Variants in LRP12 observed in about 807,000 individuals in gnomAD.
The protein encoded by LRP12 is LDL receptor related protein 12, also known as low-density lipoprotein receptor-related protein 12.
A neutral mutation model predicts 66.0 loss-of-function variants in LRP12; 14 were observed. That is an observed-to-expected ratio of 0.21 (90% CI 0.14 to 0.33). The LOEUF is 0.33. Among genes scored for constraint, LRP12 ranks in the 10% least tolerant of loss-of-function variants. LRP12 has a pLI of 1.00. For missense variants in LRP12, 889 were observed against 1,053.4 expected, an observed-to-expected ratio of 0.84 and a Z score of 2.16; for synonymous variants, 357 against 359.1, an observed-to-expected ratio of 0.99 and a Z score of 0.07.
intron 1 of LRP12, among the ~76,000 whole-genome samples, chr8:104,578,193 T>A (rs1588511432): frequency 1.3e-5 from 2 of 149,388 alleles, no homozygotes; most frequent in African/African-American, 2.5e-5. Flanking sequence ...ATGAGCACAA[T>A]CAGAAACAAC....
intron 1 of LRP12, among the ~76,000 whole-genome samples, chr8:104,575,182 T>C (rs901002829): frequency 6.6e-6 from 1 of 152,192 alleles, no homozygotes; most frequent in Admixed American, 6.5e-5. Flanking sequence ...TCATTCCTGC[T>C]TGCAGGGCAC....
At chr8:104,548,309 T>A (rs1294446430) in intron 1 of LRP12, among the ~76,000 whole-genome samples, 1 of 41,908 alleles carries the variant, frequency 2.4e-5, no homozygotes, top group Non-Finnish European at 3.7e-5. Context: ...ATAATATATA[T>A]TATATAAATA....
At position 104,491,441 on chromosome 8, in the gene LRP12, G is replaced by A. The variant is rs775501199; in HGVS notation, c.1812C>T (p.Asn604=). 29 of 1,613,878 alleles carry A rather than the reference G, an allele frequency of 1.8e-5. No homozygotes were observed. Among genetic ancestry groups the A allele is most frequent in the Non-Finnish European group, 2.3e-5 (27 of 1,180,010 alleles). Residue 604 remains asparagine (N), a synonymous_variant, in exon 7 of 7, where the codon AAC becomes AAT. Transcript: ENST00000276654. ...GTGATCTTGCAAAATTAAAAATACG[G>A]TTCCAAATGTTGCTTGATCTGCCTG... is the stretch of plus-strand genomic sequence containing the variant. The part of the protein sequence containing the change: ...PMAGRSSNIW[N]RIFNFARSRH...
rs771484272 is a variant in LRP12 at position 104,497,133 on chromosome 8, T to C, written c.1419A>G (p.Gln473=). 4.3e-6 allele frequency: 7 copies of C among 1,613,152 alleles called. No homozygotes were observed. The highest frequency in any genetic ancestry group is 5.9e-6 in the Non-Finnish European group (7 of 1,179,448). ...CVFESWVCDS[Q]DDCGDGSDEE... is the part of the protein sequence containing the mutation. Reference sequence around the variant, plus strand: ...CATCGCTGCCATCACCACAGTCATCTTGAGAATCACACACCCAACTTTCAA... The same window carrying C: ...CATCGCTGCCATCACCACAGTCATCCTGAGAATCACACACCCAACTTTCAA... Residue 473 remains glutamine (Q), a synonymous_variant, in exon 5 of 7, where the codon CAA becomes CAG. Coordinates refer to ENST00000276654, the MANE Select transcript of LRP12 (RefSeq NM_013437.5). This position sits in a 1 kb window ranked among gnomAD's most constrained non-coding sequence, Gnocchi z 4.3.
At chr8:104,517,407 A>C (rs556002633) in intron 2 of LRP12, among the ~76,000 whole-genome samples, 1 of 152,048 alleles carries the variant, frequency 6.6e-6, no homozygotes, top group East Asian at 1.9e-4. Flanking sequence ...AGCATACTCT[A>C]AACTAGTTAA....
chr8:104,583,685 G>A (rs1252784819), intron 1 of LRP12, among the ~76,000 whole-genome samples: 1 of 152,136 alleles, frequency 6.6e-6, no homozygotes, highest in East Asian at 1.9e-4. Context: ...GCCAGGGTTA[G>A]GCTACAATCC....
intron 2 of LRP12, among the ~76,000 whole-genome samples, chr8:104,516,099 G>C (rs73295119): frequency 0.054 from 8,143 of 152,010 alleles, 591 homozygotes; most frequent in African/African-American, 0.17. Context: ...TTACGTTGGT[G>C]AGTTATCTTT....
intron 2 of LRP12, among the ~76,000 whole-genome samples, chr8:104,531,191 A>G (rs1811320601): frequency 6.6e-6 from 1 of 152,202 alleles, no homozygotes; most frequent in African/African-American, 2.4e-5. Context: ...TTATCAATAT[A>G]GGGAAATAAT....
chr8:104,551,427 G>C (rs1339261481), intron 1 of LRP12, among the ~76,000 whole-genome samples: 1 of 152,094 alleles, frequency 6.6e-6, no homozygotes, highest in Non-Finnish European at 1.5e-5. Context: ...TACATGGGTA[G>C]ATTGTGTGAT....
intron 1 of LRP12, chr8:104,566,131 T>C (rs560533660): frequency 3.1e-4 from 126 of 406,926 alleles, no homozygotes; most frequent in Middle Eastern, 7.3e-4. Flanking sequence ...ATTGGCTATA[T>C]GCAAGAGTCC....
At chr8:104,512,642 C>T (rs187165934) in intron 2 of LRP12, among the ~76,000 whole-genome samples, 180 of 151,946 alleles carry the variant, frequency 1.2e-3, no homozygotes, top group African/African-American at 4.0e-3. Context: ...TTGACTAAAT[C>T]GATAGAATAA....
At chr8:104,535,764 C>T (rs1264105255) in intron 1 of LRP12, among the ~76,000 whole-genome samples, 1 of 151,912 alleles carries the variant, frequency 6.6e-6, no homozygotes, top group East Asian at 1.9e-4. Context: ...GTATTCCTCA[C>T]CTCTTAAAAA....
chr8:104,573,881 A>G (rs111463850), intron 1 of LRP12, among the ~76,000 whole-genome samples: 92 of 152,198 alleles, frequency 6.0e-4, no homozygotes, highest in African/African-American at 2.2e-3. Context: ...CTGACTATGG[A>G]CTGATGTCAT....
chr8:104,533,011 T>C (rs1450318968), intron 1 of LRP12, among the ~76,000 whole-genome samples: 1 of 152,070 alleles, frequency 6.6e-6, no homozygotes, highest in Admixed American at 6.6e-5. Flanking sequence ...GTGTAAAGTA[T>C]ATTATTGTTA....
intron 1 of LRP12, among the ~76,000 whole-genome samples, chr8:104,548,656 T>TATTATATAATTAAATTAATTATATAATA (rs1288427732): frequency 4.5e-5 from 6 of 132,826 alleles, no homozygotes; most frequent in African/African-American, 5.8e-5. Flanking sequence ...ATTATATAAT[T>TATTATATAATTAAATTAATTATATAATA]ATTATATAAT....
chr8:104,589,062 GC>G lies in LRP12; in HGVS notation c.-166del. ...GAGGGGGAAGGGAGGGGCCGCCGCC[GC>G]CCGCGCGCGCTCCCTCCTCCCTCCT... On this transcript the variant is annotated 5_prime_UTR_variant, in exon 1 of 7. Transcript: ENST00000276654. 1 of 314,622 alleles carries G rather than the reference GC, an allele frequency of 3.2e-6. No individual in the cohort carries two copies. The highest frequency in any genetic ancestry group is 5.7e-6 in the Non-Finnish European group (1 of 174,972). 19.5% of individuals were successfully genotyped at this position (314,622 alleles called of 1,614,324 possible). A position where few individuals can be genotyped will look rare whatever the true frequency, so the allele number is the denominator to read the frequency against.
chr8:104,514,319 C>A (rs116549409), intron 2 of LRP12, among the ~76,000 whole-genome samples: 1,980 of 152,128 alleles, frequency 0.013, 48 homozygotes, highest in African/African-American at 0.044. Flanking sequence ...CCTGTAATTT[C>A]ATTTTTCCTA....
At chr8:104,522,608 T>C (rs925188985) in intron 2 of LRP12, among the ~76,000 whole-genome samples, 1 of 152,092 alleles carries the variant, frequency 6.6e-6, no homozygotes, top group African/African-American at 2.4e-5. Context: ...CATTAAAAGG[T>C]AGGAATATTT....
chr8:104,543,031 A>ATATG (rs2140872026), intron 1 of LRP12, among the ~76,000 whole-genome samples: 1 of 151,372 alleles, frequency 6.6e-6, no homozygotes, highest in Non-Finnish European at 1.5e-5. Flanking sequence ...ATACACACAC[A>ATATG]CATACACATA....
Sources: allele counts gnomAD v4.1 joint callset (sites outside exome capture counted in the v4.1 genomes callset), GRCh38; gene constraint gnomAD v4.1.1; non-coding constraint Gnocchi (gnomAD v3.1); transcripts MANE v1.5; gene names NCBI Gene and HGNC (gene_info 2026-07-23, HGNC 2026-07-21).